SLC39A6: variants seen among roughly 807,000 people sequenced by gnomAD.
SLC39A6 encodes the protein solute carrier family 39 member 6.
Under a neutral mutation model 63.5 loss-of-function variants are expected in SLC39A6, and 51 were observed. The ratio of observed to expected loss-of-function variants is 0.80; its 90% CI spans 0.64 to 1.01. SLC39A6 has a LOEUF of 1.01. Ranked by LOEUF, SLC39A6 falls within the 50% of genes least tolerant of loss-of-function variation. SLC39A6 has a pLI of 0.00. For synonymous variants in SLC39A6, 318 were observed against 324.7 expected, an observed-to-expected ratio of 0.98 and a Z score of 0.22; for missense variants, 805 against 927.8, an observed-to-expected ratio of 0.87 and a Z score of 1.72.
rs1307771098 is a variant in SLC39A6, at chr18:36,122,116, T to C, written c.1295A>G (p.Tyr432Cys). The C allele has an allele frequency of 2.5e-6, 4 of 1,613,962 alleles. No individual in the cohort carries two copies. Among genetic ancestry groups the C allele is most frequent in the Non-Finnish European group, 3.4e-6 (4 of 1,179,980 alleles). The change falls in exon 5 of 10, where the codon TAT (tyrosine) becomes TGT (cysteine). Residue 432 changes from tyrosine to cysteine, a missense_variant. Transcript: ENST00000269187. ...GACATGTTCAACAAGAAACATGAAA[T>C]ACAGGCCTCCTAGAGCTGTTAGACC... ...WKGLTALGGL[Y>C]FMFLVEHVLT...
At chr18:36,119,561 T>C (rs2089374674) in intron 5 of SLC39A6, among the ~76,000 whole-genome samples, 1 of 150,758 alleles carries the variant, frequency 6.6e-6, no homozygotes, top group Non-Finnish European at 1.5e-5. Context: ...ATAATATTAT[T>C]GTTGCATTTA....
At chr18:36,120,034 C>T (rs2089379179) in intron 5 of SLC39A6, among the ~76,000 whole-genome samples, 1 of 152,030 alleles carries the variant, frequency 6.6e-6, no homozygotes, top group African/African-American at 2.4e-5. Flanking sequence ...ACCCAATCCC[C>T]AAGTCTCCCA....
Position 36,109,484 on chromosome 18 carries a change from C to T in SLC39A6, c.*109G>A. On this transcript the variant is annotated 3_prime_UTR_variant, in exon 10 of 10. Coordinates refer to ENST00000269187, the MANE Select transcript of SLC39A6 (RefSeq NM_012319.4). The stretch of plus-strand genomic sequence containing the variant: ...ACAGCAATATTCAATACAAAAATCA[C>T]AAAACCCACTAACTTTAAACGCTGC... The T allele has an allele frequency of 2.5e-6, 2 of 795,418 alleles. No individual in the cohort carries two copies. Among genetic ancestry groups the T allele is most frequent in the South Asian group, 2.4e-5 (1 of 41,300 alleles). 49.3% of individuals were successfully genotyped at this position (795,418 alleles called of 1,614,324 possible).
At chr18:36,111,547 C>T (rs375278196) in intron 8 of SLC39A6, among the ~76,000 whole-genome samples, 4 of 150,394 alleles carry the variant, frequency 2.7e-5, no homozygotes, top group East Asian at 2.0e-4. Context: ...GCAGTGGCAC[C>T]GATCTTGGCT....
intron 3 of SLC39A6, among the ~76,000 whole-genome samples, chr18:36,124,213 A>G (rs1165523034): frequency 6.6e-6 from 1 of 152,182 alleles, no homozygotes. Context: ...TAAGCAGCAT[A>G]AATGAACCCA....
intron 5 of SLC39A6, among the ~76,000 whole-genome samples, chr18:36,118,279 A>G (rs1178720541): frequency 1.3e-5 from 2 of 152,218 alleles, no homozygotes; most frequent in African/African-American, 4.8e-5. Context: ...AGAACATAAA[A>G]TAAGCCCCAC....
At chr18:36,124,813 T>A in intron 2 of SLC39A6, 113 bp from the exon 3 acceptor site, 1 of 847,868 alleles carries the variant, frequency 1.2e-6, no homozygotes, top group Non-Finnish European at 1.7e-6. Context: ...TAATGAAAAT[T>A]AAAATCAACT....
Position 36,126,727 on chromosome 18 carries a change from T to G in SLC39A6, c.281A>C (p.His94Pro). 1 of 1,614,088 alleles carries G rather than the reference T, an allele frequency of 6.2e-7. No homozygotes were observed. Among genetic ancestry groups the G allele is most frequent in the South Asian group, 1.1e-5 (1 of 91,068 alleles). Residue 94 changes from histidine to proline, a missense_variant, in exon 2 of 10, where the codon CAT becomes CCT. His to Pro is a moderately conservative substitution (Grantham distance 77). This residue lies in a region of SLC39A6 where 639 missense variants were observed against 644.0 expected (regional missense o/e 0.99). Coordinates refer to ENST00000269187, the MANE Select transcript of SLC39A6 (RefSeq NM_012319.4). ...IDKIKRIHIH[H>P]DHDHHSDHEH... ...GTGGTCTGAGTGATGGTCGTGGTCA[T>G]GGTGTATATGGATTCTTTTAATCTT...
chr18:36,123,553 A>G lies in SLC39A6; in HGVS notation c.1082T>C (p.Leu361Pro), dbSNP rs1450956306. 3 of 1,613,886 alleles carry G rather than the reference A, an allele frequency of 1.9e-6. No homozygotes were observed. The highest frequency in any genetic ancestry group is 2.2e-5 in the East Asian group (1 of 44,874). The change falls in exon 4 of 10, where the codon CTT becomes CCT. Residue 361 changes from leucine (L) to proline (P), a missense_variant. Physicochemically the swap from Leu to Pro is moderately conservative, Grantham distance 98. Coordinates refer to ENST00000269187, the MANE Select transcript of SLC39A6 (RefSeq NM_012319.4). ...RVFFKFLLSF[L>P]VALAVGTLSG... is the part of the protein sequence containing the mutation. ...CAAAGTCCCAACGGCCAGTGCCACA[A>G]GGAAACTCAGGAGAAATTTGAAAAA... is the stretch of plus-strand genomic sequence containing the variant.
intron 5 of SLC39A6, among the ~76,000 whole-genome samples, chr18:36,121,311 CT>C (rs1297566382): frequency 6.6e-6 from 1 of 152,170 alleles, no homozygotes; most frequent in African/African-American, 2.4e-5. Context: ...CATGCGCCAT[CT>C]CACCTGATTA....
In SLC39A6 at chr18:36,124,615, G is replaced by A. The variant is rs1567961132; in HGVS notation, c.875C>T (p.Pro292Leu). The part of the protein sequence containing the change: ...LNATEFNYLC[P>L]AIINQIDARS... ...AGCATCAATTTGGTTGATGATGGCT[G>A]GACAGAGATAGTTGAACTCTGTTGC... is the stretch of plus-strand genomic sequence containing the variant. The change falls in exon 3 of 10, where the codon CCA becomes CTA. Residue 292 changes from proline to leucine, a missense_variant. Pro to Leu is a moderately conservative substitution (Grantham distance 98). Coordinates refer to ENST00000269187, the MANE Select transcript of SLC39A6 (RefSeq NM_012319.4). 1 of 1,599,074 alleles carries A rather than the reference G, an allele frequency of 6.3e-7. No individual in the cohort carries two copies. Among genetic ancestry groups the A allele is most frequent in the Non-Finnish European group, 8.6e-7 (1 of 1,167,990 alleles).
chr18:36,116,550 T>C (rs2089346699), intron 6 of SLC39A6, 124 bp downstream of exon 6: 1 of 663,736 alleles, frequency 1.5e-6, no homozygotes, highest in Admixed American at 2.9e-5. Flanking sequence ...TTTTACAAAG[T>C]ATGAGATACT....
intron 5 of SLC39A6, among the ~76,000 whole-genome samples, chr18:36,117,192 G>A (rs560236262): frequency 2.6e-5 from 4 of 152,262 alleles, no homozygotes; most frequent in African/African-American, 4.8e-5. Context: ...AGCCAAGATC[G>A]TGCCACTGCA....
chr18:36,126,306 C>A lies in SLC39A6; in HGVS notation c.702G>T (p.Arg234=). The part of the protein sequence containing the change: ...PSVTSKSRVS[R]LAGRKTNESV... ...ATTCATTTGTTTTCCTACCAGCCAG[C>A]CGGCTCACCCGGCTCTTTGATGTGA... is the stretch of plus-strand genomic sequence containing the variant. Residue 234 remains arginine (R), a synonymous_variant, in exon 2 of 10, where the codon CGG becomes CGT. Transcript: ENST00000269187. The A allele has an allele frequency of 2.5e-6, 4 of 1,614,264 alleles. No homozygotes were observed. The highest frequency in any genetic ancestry group is 3.4e-6 in the Non-Finnish European group (4 of 1,180,052).
chr18:36,117,484 A>G (rs1370268704), intron 5 of SLC39A6, among the ~76,000 whole-genome samples: 1 of 152,226 alleles, frequency 6.6e-6, no homozygotes, highest in Non-Finnish European at 1.5e-5. Context: ...CTTTTTAACC[A>G]TCCCAAATAC....
At chr18:36,117,561 A>G (rs979446463) in intron 5 of SLC39A6, among the ~76,000 whole-genome samples, 1 of 152,162 alleles carries the variant, frequency 6.6e-6, no homozygotes, top group African/African-American at 2.4e-5. Flanking sequence ...TGTTTGAACA[A>G]TGGTGTCTGT....
At chr18:36,114,913 C>T (rs1204595063) in intron 6 of SLC39A6, among the ~76,000 whole-genome samples, 1 of 152,112 alleles carries the variant, frequency 6.6e-6, no homozygotes, top group East Asian at 1.9e-4. Context: ...CTGACTTCCT[C>T]TTTTTTGGAA....
Position 36,114,348 on chromosome 18 carries a change from T to C in SLC39A6, c.1592A>G (p.Tyr531Cys), listed in dbSNP as rs1443768220. Residue 531 changes from tyrosine to cysteine, a missense_variant, in exon 7 of 10, where the codon TAT becomes TGT. This residue lies in a region of SLC39A6 where 639 missense variants were observed against 644.0 expected (regional missense o/e 0.99). Transcript: ENST00000269187. ...TTTATTCTTGCACCCTCTGGGTACATATTCATTGTAGACTTCCTGTGGATG... is the reference window on the plus strand; with the variant it reads ...TTTATTCTTGCACCCTCTGGGTACACATTCATTGTAGACTTCCTGTGGATG... ...HAHPQEVYNE[Y>C]VPRGCKNKCH... 1 of 1,614,210 alleles carries C rather than the reference T, an allele frequency of 6.2e-7. No individual in the cohort carries two copies. Among genetic ancestry groups the C allele is most frequent in the Non-Finnish European group, 8.5e-7 (1 of 1,180,022 alleles).
At chr18:36,110,938 C>T (rs778319744) in intron 9 of SLC39A6, 121 bp downstream of exon 9, 63 of 1,457,222 alleles carry the variant, frequency 4.3e-5, no homozygotes, top group African/African-American at 1.3e-4. Context: ...CCAGCCTGGA[C>T]GACATAGCAA....
Sources: gnomAD v4.1 joint callset for allele counts (sites outside exome capture counted in the v4.1 genomes callset) on GRCh38, gnomAD v4.1.1 for gene constraint, gnomAD v4.1.1 regional missense constraint, MANE v1.5 for transcripts, NCBI Gene and HGNC (gene_info 2026-07-23, HGNC 2026-07-21) for gene names.